Variants in DYM observed in about 807,000 individuals in gnomAD.
DYM encodes dymeclin.
A neutral mutation model predicts 93.1 loss-of-function variants in DYM; 78 were observed. The ratio of observed to expected loss-of-function variants is 0.84; its 90% CI spans 0.70 to 1.01. The LOEUF is 1.01. Among genes scored for constraint, DYM ranks in the 50% least tolerant of loss-of-function variants. The pLI is 0.00. For missense variants in DYM, 789 were observed against 845.0 expected (o/e 0.93, Z 0.82); for synonymous variants, 321 against 319.7 (o/e 1.00, Z -0.04).
Position 49,145,548 on chromosome 18 carries a change from G to GTT in DYM, c.1728+18136_1728+18137insAA, listed in dbSNP as rs202233833. ...CCCAATTTCTTCACTTTCTTTATAGGTAACTGTTTAACAATTTTTTCTATA... is the reference window on the plus strand; with the variant it reads ...CCCAATTTCTTCACTTTCTTTATAGGTTTAACTGTTTAACAATTTTTTCTATA... On this transcript the variant is annotated intron_variant, in intron 15 of 17. Transcript: ENST00000675505. 8.1e-3 allele frequency among the ~76,000 whole-genome samples: 1,228 copies of GTT among 152,006 alleles called. 13 individuals are homozygous for GTT. The highest frequency in any genetic ancestry group is 0.071 in the Middle Eastern group (21 of 294).
chr18:49,348,401 A>C (rs907595502), intron 6 of DYM, among the ~76,000 whole-genome samples: 1 of 152,162 alleles, frequency 6.6e-6, no homozygotes, highest in African/African-American at 2.4e-5. Flanking sequence ...AAAATTAACA[A>C]ATCAAAGACA....
At chr18:49,078,619 G>A (rs1052094539) in intron 17 of DYM, among the ~76,000 whole-genome samples, 2 of 152,042 alleles carry the variant, frequency 1.3e-5, no homozygotes, top group African/African-American at 2.4e-5. Flanking sequence ...TCTCTCCTGT[G>A]CTTTTCTAGG....
At chr18:49,205,021 C>G (rs1157964426) in intron 14 of DYM, among the ~76,000 whole-genome samples, 1 of 152,194 alleles carries the variant, frequency 6.6e-6, no homozygotes, top group African/African-American at 2.4e-5. Flanking sequence ...AGTGCAGTGG[C>G]GTGATCTCGG....
chr18:49,133,050 TA>T (rs1240369488), intron 15 of DYM, among the ~76,000 whole-genome samples: 9 of 152,260 alleles, frequency 5.9e-5, no homozygotes, highest in African/African-American at 2.2e-4. Flanking sequence ...TATAATGCTA[TA>T]CATTCTTTGC....
At chr18:49,097,555 T>A in intron 16 of DYM, 40 bp from the exon 17 acceptor site, 1 of 1,559,744 alleles carries the variant, frequency 6.4e-7, no homozygotes, top group Non-Finnish European at 8.8e-7. Context: ...AGAAGAGGTA[T>A]GAAATGTATT....
intron 15 of DYM, among the ~76,000 whole-genome samples, chr18:49,119,779 G>C (rs183117499): frequency 4.0e-4 from 60 of 151,068 alleles, no homozygotes; most frequent in African/African-American, 1.4e-3. Flanking sequence ...TCTGCCTGAG[G>C]AAAAAAAAAT....
At chr18:49,330,408 C>T (rs770037367) in intron 8 of DYM, among the ~76,000 whole-genome samples, 9 of 152,160 alleles carry the variant, frequency 5.9e-5, no homozygotes, top group Non-Finnish European at 1.0e-4. Context: ...AATTAAGGGG[C>T]TTCCTTCCTG....
intron 15 of DYM, among the ~76,000 whole-genome samples, chr18:49,138,428 C>T (rs999323627): frequency 3.9e-5 from 6 of 152,170 alleles, no homozygotes; most frequent in Non-Finnish European, 5.9e-5. Context: ...CAGTTGCTAT[C>T]GGAATATTCC....
intron 2 of DYM, among the ~76,000 whole-genome samples, chr18:49,420,548 G>A (rs1271564555): frequency 6.6e-6 from 1 of 152,138 alleles, no homozygotes; most frequent in Non-Finnish European, 1.5e-5. Context: ...GAGGTTCCAA[G>A]ATGGCTGAAT....
intron 17 of DYM, among the ~76,000 whole-genome samples, chr18:49,046,492 C>G (rs530753742): frequency 1.3e-5 from 2 of 150,436 alleles, no homozygotes; most frequent in South Asian, 4.3e-4. Flanking sequence ...GACACACACA[C>G]AGACATACAC....
At chr18:49,129,487 A>G (rs1245304699) in intron 15 of DYM, among the ~76,000 whole-genome samples, 2 of 152,202 alleles carry the variant, frequency 1.3e-5, no homozygotes, top group Non-Finnish European at 2.9e-5. Flanking sequence ...GAACACAAAC[A>G]TTCACCTTTG....
Position 49,321,345 on chromosome 18 carries a change from G to T in DYM, c.763+10519C>A, listed in dbSNP as rs1211888161. ...CTAATTCATTCTTCAACTATTTGTA[G>T]CATGAAAGAGGCCATCAGTCTTCCC... On this transcript the variant is annotated intron_variant, in intron 8 of 17. Coordinates refer to ENST00000675505, the MANE Select transcript of DYM (RefSeq NM_001353214.3). 6.3e-5 allele frequency: 25 copies of T among 398,142 alleles called. No individual in the cohort carries two copies. The East Asian group carries it at 7.9e-4, about 13-fold the overall frequency. The allele number at this position is 398,142 out of a possible 1,614,324, so 24.7% of individuals were successfully genotyped here.
chr18:49,143,649 A>T (rs2084773325), intron 15 of DYM, among the ~76,000 whole-genome samples: 1 of 152,168 alleles, frequency 6.6e-6, no homozygotes, highest in Non-Finnish European at 1.5e-5. Context: ...TAACTTAAAA[A>T]AATTGTGGTG....
intron 14 of DYM, among the ~76,000 whole-genome samples, chr18:49,197,966 C>T (rs142466889): frequency 0.015 from 2,289 of 152,290 alleles, 54 homozygotes; most frequent in African/African-American, 0.051. Flanking sequence ...CATCACGCTA[C>T]TTGACTTCAA....
intron 14 of DYM, among the ~76,000 whole-genome samples, chr18:49,183,158 G>GT (rs1414119957): frequency 6.6e-6 from 1 of 152,066 alleles, no homozygotes; most frequent in African/African-American, 2.4e-5. Flanking sequence ...CTACGTATTT[G>GT]AGGGGAAATT....
At chr18:49,428,453 G>A (rs892473596) in intron 2 of DYM, among the ~76,000 whole-genome samples, 1 of 152,192 alleles carries the variant, frequency 6.6e-6, no homozygotes, top group African/African-American at 2.4e-5. Context: ...GGGAGGCTGA[G>A]GAAGGTGAAT....
intron 17 of DYM, among the ~76,000 whole-genome samples, chr18:49,065,136 C>T (rs2076287852): frequency 1.3e-5 from 2 of 152,140 alleles, no homozygotes; most frequent in South Asian, 2.1e-4. Flanking sequence ...CAAGTGCTCA[C>T]AGACAAATCA....
At chr18:49,371,243 T>C (rs781262028) in intron 5 of DYM, among the ~76,000 whole-genome samples, 1 of 152,226 alleles carries the variant, frequency 6.6e-6, no homozygotes, top group Non-Finnish European at 1.5e-5. Flanking sequence ...CTCATGCCTA[T>C]AATCCCAGTG....
At chr18:49,066,834 T>C (rs914104512) in intron 17 of DYM, among the ~76,000 whole-genome samples, 7 of 152,192 alleles carry the variant, frequency 4.6e-5, no homozygotes, top group African/African-American at 1.4e-4. Context: ...GTGGCTATCA[T>C]ACTTGCATCT....
Sources: gnomAD v4.1 joint callset for allele counts (sites outside exome capture counted in the v4.1 genomes callset) on GRCh38, gnomAD v4.1.1 for gene constraint, MANE v1.5 for transcripts, NCBI Gene and HGNC (gene_info 2026-07-23, HGNC 2026-07-21) for gene names.